The following NSUN3 variants were observed in gnomAD, a reference collection of about 807,000 sequenced individuals.
NSUN3 encodes tRNA (cytosine(34)-C(5))-methyltransferase, mitochondrial.
Under a neutral mutation model 36.8 loss-of-function variants are expected in NSUN3, and 24 were observed. The observed-to-expected ratio is 0.65, with a 90% CI of 0.47 to 0.92. NSUN3 has a LOEUF of 0.92. Among genes scored for constraint, NSUN3 ranks in the 40% least tolerant of loss-of-function variants. The probability of loss-of-function intolerance (pLI) is 0.00; values close to 1 mark genes in which losing one functional copy is unlikely to be tolerated. For missense variants in NSUN3, 381 were observed against 392.8 expected, an observed-to-expected ratio of 0.97 and a Z score of 0.25; for synonymous variants, 146 against 145.2, an observed-to-expected ratio of 1.01 and a Z score of -0.04.
chr3:94,102,174 A>C (rs2077368426), intron 5 of NSUN3, among the ~76,000 whole-genome samples: 1 of 149,172 alleles, frequency 6.7e-6, no homozygotes, highest in African/African-American at 2.5e-5. Context: ...GCACTCTGAC[A>C]GCAAGAATTG....
rs2077187624 is a variant in NSUN3 at position 94,063,141 on chromosome 3, G to C, written c.12+3G>C. The C allele has an allele frequency of 6.2e-7, 1 of 1,613,984 alleles. No homozygotes were observed. The highest frequency in any genetic ancestry group is 1.1e-5 in the South Asian group (1 of 91,078). On this transcript the variant is annotated splice_donor_region_variant and intron_variant, in intron 1 of 5. Coordinates refer to ENST00000314622, the MANE Select transcript of NSUN3 (RefSeq NM_022072.5). ...TCAGCGGGACAATGCTGACCCAGGTGAGACCTGGGGCCCGGCTGGGTACCT... is the reference window on the plus strand; with the variant it reads ...TCAGCGGGACAATGCTGACCCAGGTCAGACCTGGGGCCCGGCTGGGTACCT...
intron 5 of NSUN3, among the ~76,000 whole-genome samples, chr3:94,107,474 CAG>C (rs1439467955): frequency 6.6e-6 from 1 of 150,790 alleles, no homozygotes; most frequent in African/African-American, 2.4e-5. Context: ...TTTGTAGAAA[CAG>C]GGGTCTCTCT....
At chr3:94,066,195 A>G (rs930845700) in intron 2 of NSUN3, among the ~76,000 whole-genome samples, 1 of 152,116 alleles carries the variant, frequency 6.6e-6, no homozygotes, top group Non-Finnish European at 1.5e-5. Context: ...CCTGAGCAAA[A>G]TGAGCAATGA....
At chr3:94,072,451 G>A (rs1326867247) in intron 2 of NSUN3, among the ~76,000 whole-genome samples, 1 of 152,148 alleles carries the variant, frequency 6.6e-6, no homozygotes, top group Non-Finnish European at 1.5e-5. Flanking sequence ...AATGAACATT[G>A]TACACATCCA....
intron 5 of NSUN3, among the ~76,000 whole-genome samples, chr3:94,114,636 T>G (rs2077432122): frequency 6.6e-6 from 1 of 152,198 alleles, no homozygotes; most frequent in South Asian, 2.1e-4. Context: ...TATTTTAGAT[T>G]CGGGGGTACA....
intron 2 of NSUN3, among the ~76,000 whole-genome samples, chr3:94,078,615 A>C (rs142676701): frequency 6.6e-6 from 1 of 151,980 alleles, no homozygotes; most frequent in Non-Finnish European, 1.5e-5. Flanking sequence ...ATGAATCTGG[A>C]TGCTCCTGTG....
intron 3 of NSUN3, among the ~76,000 whole-genome samples, chr3:94,087,634 G>T (rs2077297205): frequency 6.6e-6 from 1 of 152,206 alleles, no homozygotes; most frequent in Non-Finnish European, 1.5e-5. Context: ...TGAAGGCTAT[G>T]TCCCTCTAGG....
rs2077331792 is a variant in NSUN3, at chr3:94,095,047, T to C, written c.636T>C (p.Ala212=). Residue 212 remains alanine (A), a synonymous_variant, in exon 5 of 6, where the codon GCT becomes GCC. Coordinates refer to ENST00000314622, the MANE Select transcript of NSUN3 (RefSeq NM_022072.5). ...TTTTTCTCTAGGTGTTAGTGGATGC[T>C]CCGTGTTCAAATGATCGAAGCTGGT... ...PEMFDKVLVD[A]PCSNDRSWLF... 6.2e-7 allele frequency: 1 copy of C among 1,613,996 alleles called. No individual in the cohort carries two copies. The highest frequency in any genetic ancestry group is 1.1e-5 in the South Asian group (1 of 91,080).
At chr3:94,085,127 T>G (rs927576831) in intron 3 of NSUN3, 1 of 152,218 alleles carries the variant, frequency 6.6e-6, no homozygotes, top group Admixed American at 6.5e-5. Context: ...TAGCCACATG[T>G]GAGAAGAGGG....
At chr3:94,114,232 T>C (rs1272699735) in intron 5 of NSUN3, among the ~76,000 whole-genome samples, 1 of 152,208 alleles carries the variant, frequency 6.6e-6, no homozygotes, top group Admixed American at 6.5e-5. Context: ...AGTCATAGTA[T>C]TTGCTTCAGG....
At position 94,117,017 on chromosome 3, in the gene NSUN3, G is replaced by A. The variant is rs556174964; in HGVS notation, c.744-9194G>A. On this transcript the variant is annotated intron_variant, in intron 5 of 5. Transcript: ENST00000314622. ...TTTTTTTTTTTTTTTTTTTTTTTGGGAGACAGAATCTCGCTCTATCATCTA... is the reference window on the plus strand; with the variant it reads ...TTTTTTTTTTTTTTTTTTTTTTTGGAAGACAGAATCTCGCTCTATCATCTA... 8.6e-5 allele frequency among the ~76,000 whole-genome samples: 10 copies of A among 116,186 alleles called. No homozygotes were observed. In the South Asian group the frequency reaches 2.6e-3, roughly 30 times the overall value. The allele number at this position is 116,186 out of a possible 152,430, so 76.2% of individuals were successfully genotyped here.
At chr3:94,112,739 G>C (rs2077423120) in intron 5 of NSUN3, among the ~76,000 whole-genome samples, 1 of 152,232 alleles carries the variant, frequency 6.6e-6, no homozygotes, top group Non-Finnish European at 1.5e-5. Context: ...AGCCTTGGCT[G>C]TGCCCAATTA....
At chr3:94,102,202 TAAA>T (rs5850923) in intron 5 of NSUN3, among the ~76,000 whole-genome samples, 25 of 101,588 alleles carry the variant, frequency 2.5e-4, no homozygotes, top group Admixed American at 1.1e-3. Flanking sequence ...AAAGAAACGT[TAAA>T]AAAAAAAAAA....
In NSUN3 at chr3:94,066,808, GTTGCC is replaced by G. The variant is rs1414568553; in HGVS notation, c.122+2265_122+2269del. On this transcript the variant is annotated intron_variant, in intron 2 of 5. Coordinates refer to ENST00000314622, the MANE Select transcript of NSUN3 (RefSeq NM_022072.5). ...TATTATTTTTCCCTTTCAAACTTAT[GTTGCC>G]TTTGCTACCTGCATATTTTATCTCA... 2.0e-5 allele frequency among the ~76,000 whole-genome samples: 3 copies of G among 152,208 alleles called. No homozygotes were observed. The East Asian group carries it at 5.8e-4, about 29-fold the overall frequency.
intron 2 of NSUN3, chr3:94,076,331 A>C (rs769247720): frequency 1.2e-6 from 1 of 841,142 alleles, no homozygotes; most frequent in African/African-American, 1.7e-5. Flanking sequence ...TGAACTCACT[A>C]TAAGGATTGA....
Position 94,064,506 on chromosome 3 carries a change from CAG to C in NSUN3, c.83_84del (p.Gln28LeufsTer29). 6.2e-7 allele frequency: 1 copy of C among 1,613,168 alleles called. No homozygotes were observed. Among genetic ancestry groups the C allele is most frequent in the Non-Finnish European group, 8.5e-7 (1 of 1,179,214 alleles). ...CKVVLDHFEK[Q>X]YSKELGDAWN... is the part of the protein sequence containing the mutation. ...AGTTGTGTTGGATCATTTTGAAAAA[CAG>C]TATTCCAAAGAACTCGGAGATGCCT... is the stretch of plus-strand genomic sequence containing the variant. On this transcript the variant is annotated frameshift_variant, in exon 2 of 6. Coordinates refer to ENST00000314622, the MANE Select transcript of NSUN3 (RefSeq NM_022072.5). LOFTEE classifies it high-confidence loss of function.
At chr3:94,069,728 T>C (rs1423060035) in intron 2 of NSUN3, among the ~76,000 whole-genome samples, 1 of 152,208 alleles carries the variant, frequency 6.6e-6, no homozygotes, top group Non-Finnish European at 1.5e-5. Context: ...TGCTTTAATT[T>C]TGTTAAAATA....
At chr3:94,063,231 C>A in intron 1 of NSUN3, 93 bp downstream of exon 1, 2 of 1,262,550 alleles carry the variant, frequency 1.6e-6, no homozygotes, top group South Asian at 1.2e-5. Context: ...GATGGGGGAA[C>A]ATCACCTTTG....
At chr3:94,102,309 A>G (rs971561267) in intron 5 of NSUN3, among the ~76,000 whole-genome samples, 6 of 152,038 alleles carry the variant, frequency 3.9e-5, no homozygotes, top group Non-Finnish European at 5.9e-5. Flanking sequence ...TCATTCATCA[A>G]CACAGTGACC....
Sources: allele counts gnomAD v4.1 joint callset (sites outside exome capture counted in the v4.1 genomes callset), GRCh38; gene constraint gnomAD v4.1.1; transcripts MANE v1.5; gene names NCBI Gene and HGNC (gene_info 2026-07-23, HGNC 2026-07-21).